Variants in RAPGEF1 observed in about 807,000 individuals in gnomAD.
RAPGEF1 encodes Rap guanine nucleotide exchange factor 1.
Under a neutral mutation model 143.3 loss-of-function variants are expected in RAPGEF1, and 33 were observed. That is an observed-to-expected ratio of 0.23 (90% CI 0.17 to 0.31). The LOEUF (loss-of-function observed/expected upper bound fraction) is 0.31, where lower values mean the gene tolerates loss of function less well. Among genes scored for constraint, RAPGEF1 ranks in the 10% least tolerant of loss-of-function variants. RAPGEF1 has a pLI of 1.00. For missense variants in RAPGEF1, 1,199 were observed against 1,645.4 expected, an observed-to-expected ratio of 0.73 and a Z score of 4.69; for synonymous variants, 629 against 676.5, an observed-to-expected ratio of 0.93 and a Z score of 1.09.
At position 131,667,187 on chromosome 9, in the gene RAPGEF1, A is replaced by G. The variant is rs1364626385; in HGVS notation, c.62-16238T>C. Among the ~76,000 whole-genome samples, 1 of 152,098 alleles carries G rather than the reference A, an allele frequency of 6.6e-6. No individual in the cohort carries two copies. The highest frequency in any genetic ancestry group is 1.9e-4 in the East Asian group (1 of 5,190). Reference sequence around the variant, plus strand: ...GTATTTTTAGTAGAGATGGGGTTTCACCATGTTGGTCAGGCTGGTATCAAA... The same window carrying G: ...GTATTTTTAGTAGAGATGGGGTTTCGCCATGTTGGTCAGGCTGGTATCAAA... On this transcript the variant is annotated intron_variant, in intron 1 of 26. Transcript: ENST00000683357. The surrounding 1 kb of genome is among the most constrained non-coding windows in gnomAD (Gnocchi z 4.6).
chr9:131,636,771 G>A (rs1966472284), intron 5 of RAPGEF1, among the ~76,000 whole-genome samples: 2 of 152,186 alleles, frequency 1.3e-5, no homozygotes, highest in Non-Finnish European at 2.9e-5. Flanking sequence ...ACTCTGCTCT[G>A]CTGAACCCAG....
In RAPGEF1 at chr9:131,579,357, C is replaced by T. The variant is rs1045579912; in HGVS notation, c.*140G>A. On this transcript the variant is annotated 3_prime_UTR_variant, in exon 27 of 27. Transcript: ENST00000683357. ...CGGCTGGCAGGCTCCAGCTCCCGCC[C>T]GGCCCCGCTGAGGGCTGGCCAGCCT... 4.8e-6 allele frequency: 6 copies of T among 1,238,906 alleles called. No homozygotes were observed. The highest frequency in any genetic ancestry group is 3.0e-5 in the South Asian group (2 of 66,710). The allele number at this position is 1,238,906 out of a possible 1,614,324, so 76.7% of individuals were successfully genotyped here.
intron 12 of RAPGEF1, among the ~76,000 whole-genome samples, chr9:131,610,156 A>G (rs1481247313): frequency 6.6e-6 from 1 of 152,244 alleles, no homozygotes; most frequent in African/African-American, 2.4e-5. Flanking sequence ...TCAGCCTCCC[A>G]AAGTGCTGTG....
At chr9:131,701,711 C>T (rs145190602) in intron 1 of RAPGEF1, among the ~76,000 whole-genome samples, 21 of 152,200 alleles carry the variant, frequency 1.4e-4, no homozygotes, top group African/African-American at 4.3e-4. Context: ...TTATTACATG[C>T]GTTATTATAT....
At chr9:131,609,746 TG>T (rs1413124060) in intron 12 of RAPGEF1, among the ~76,000 whole-genome samples, 5 of 152,218 alleles carry the variant, frequency 3.3e-5, no homozygotes, top group African/African-American at 1.2e-4. Flanking sequence ...TGCCTGAAGC[TG>T]GCCAGGCACC....
chr9:131,652,432 T>C (rs111742241), intron 1 of RAPGEF1, among the ~76,000 whole-genome samples: 21 of 152,312 alleles, frequency 1.4e-4, no homozygotes, highest in African/African-American at 5.1e-4. Context: ...AAACTTTTTG[T>C]AGCGATGAGG....
rs1303022400 is a variant in RAPGEF1 at position 131,722,259 on chromosome 9, G to A, written c.61+17511C>T. On this transcript the variant is annotated intron_variant, in intron 1 of 26. Coordinates refer to ENST00000683357, the MANE Select transcript of RAPGEF1 (RefSeq NM_001377935.1). Reference sequence around the variant, plus strand: ...CCATGCCACCTAACAGGGCCTGCCAGGCTGGAAAATTCTTGGAGAGGGCCT... The same window carrying A: ...CCATGCCACCTAACAGGGCCTGCCAAGCTGGAAAATTCTTGGAGAGGGCCT... 2.0e-5 allele frequency among the ~76,000 whole-genome samples: 3 copies of A among 152,172 alleles called. No homozygotes were observed. The East Asian group carries it at 5.8e-4, about 29-fold the overall frequency.
intron 12 of RAPGEF1, among the ~76,000 whole-genome samples, chr9:131,605,505 C>T (rs902952093): frequency 6.6e-6 from 1 of 152,158 alleles, no homozygotes; most frequent in African/African-American, 2.4e-5. Flanking sequence ...CGTGGCCCAT[C>T]GCTGTCTTGT....
At chr9:131,594,960 C>T (rs923953869) in intron 17 of RAPGEF1, among the ~76,000 whole-genome samples, 1 of 152,216 alleles carries the variant, frequency 6.6e-6, no homozygotes, top group Non-Finnish European at 1.5e-5. Flanking sequence ...AGTATGGAGC[C>T]CCCTATGTCA....
intron 1 of RAPGEF1, among the ~76,000 whole-genome samples, chr9:131,695,296 T>C (rs1401678128): frequency 5.3e-5 from 8 of 152,154 alleles, no homozygotes; most frequent in Admixed American, 5.2e-4. Context: ...TTAGAATGCT[T>C]CCCTGTGTCC....
intron 20 of RAPGEF1, among the ~76,000 whole-genome samples, chr9:131,588,440 G>A (rs56769674): frequency 0.071 from 10,849 of 152,258 alleles, 779 homozygotes; most frequent in African/African-American, 0.18. Flanking sequence ...ATGTATAGGT[G>A]CAAATGACAC....
Position 131,621,870 on chromosome 9 carries a change from C to G in RAPGEF1, c.1831G>C (p.Asp611His). The G allele has an allele frequency of 6.2e-7, 1 of 1,612,488 alleles. No individual in the cohort carries two copies. The highest frequency in any genetic ancestry group is 8.5e-7 in the Non-Finnish European group (1 of 1,179,274). Residue 611 changes from aspartate to histidine, a missense_variant, in exon 11 of 27, where the codon GAC becomes CAC. Physicochemically the swap from Asp to His is moderately conservative, Grantham distance 81. Around this residue, in one of 6 missense-constraint regions of RAPGEF1, gnomAD observed 293 missense variants for 356.2 expected, o/e 0.82. Coordinates refer to ENST00000683357, the MANE Select transcript of RAPGEF1 (RefSeq NM_001377935.1). The surrounding 1 kb of genome is among the most constrained non-coding windows in gnomAD (Gnocchi z 4.5). ...KLLMEVYGFSDSFSGVDSVQE... is the reference protein window; with the variant it reads ...KLLMEVYGFSHSFSGVDSVQE... ...ACGGAGTCCACCCCACTGAAGGAGT[C>G]GCTGAAGCCGTATACCTCCATGAGG...
chr9:131,726,863 G>A (rs963747886), intron 1 of RAPGEF1, among the ~76,000 whole-genome samples: 4 of 152,068 alleles, frequency 2.6e-5, no homozygotes, highest in Admixed American at 1.3e-4. Context: ...AATGAAAAGG[G>A]TGTGGTGGTA....
intron 1 of RAPGEF1, among the ~76,000 whole-genome samples, chr9:131,654,174 G>T (rs1186550349): frequency 6.6e-6 from 1 of 151,908 alleles, no homozygotes; most frequent in Non-Finnish European, 1.5e-5. Flanking sequence ...TTTTTCTCCT[G>T]GTGTACAAAA....
intron 1 of RAPGEF1, among the ~76,000 whole-genome samples, chr9:131,716,635 G>GTGTTATGT (rs1417475193): frequency 2.6e-5 from 4 of 152,170 alleles, no homozygotes; most frequent in African/African-American, 9.7e-5. Flanking sequence ...GCTAAGCATT[G>GTGTTATGT]TGTTATGTGT....
chr9:131,621,853 C>T lies in RAPGEF1; in HGVS notation c.1848G>A (p.Val616=), dbSNP rs1450089088. 2.5e-6 allele frequency: 4 copies of T among 1,611,812 alleles called. No individual in the cohort carries two copies. The highest frequency in any genetic ancestry group is 3.4e-5 in the Admixed American group (2 of 59,634). ...VYGFSDSFSG[V]DSVQELAPPP... ...GCGGGGCCAGCTCCTGCACGGAGTCCACCCCACTGAAGGAGTCGCTGAAGC... is the reference window on the plus strand; with the variant it reads ...GCGGGGCCAGCTCCTGCACGGAGTCTACCCCACTGAAGGAGTCGCTGAAGC... Residue 616 remains valine, a synonymous_variant, in exon 11 of 27, where the codon GTG becomes GTA. Transcript: ENST00000683357. This position sits in a 1 kb window ranked among gnomAD's most constrained non-coding sequence, Gnocchi z 4.5.
intron 1 of RAPGEF1, among the ~76,000 whole-genome samples, chr9:131,721,355 C>T (rs1836252414): frequency 6.6e-6 from 1 of 152,116 alleles, no homozygotes; most frequent in South Asian, 2.1e-4. Flanking sequence ...TCTGTCAGCA[C>T]GGTGATCCTC....
At chr9:131,627,380 A>G (rs1417997007) in intron 9 of RAPGEF1, among the ~76,000 whole-genome samples, 1 of 152,174 alleles carries the variant, frequency 6.6e-6, no homozygotes, top group Non-Finnish European at 1.5e-5. Context: ...AAATCTTGCT[A>G]TTAATCACTG....
rs76873193 is a variant in RAPGEF1, at chr9:131,686,516, A to G, written c.62-35567T>C. ...GGGCAGCCACACAAGGAGCTGCCCAATTGGCCTGAAATCAACACAAAGTCA... is the reference window on the plus strand; with the variant it reads ...GGGCAGCCACACAAGGAGCTGCCCAGTTGGCCTGAAATCAACACAAAGTCA... On this transcript the variant is annotated intron_variant, in intron 1 of 26. Transcript: ENST00000683357. 5.0e-3 allele frequency among the ~76,000 whole-genome samples: 755 copies of G among 152,294 alleles called. 23 individuals are homozygous for G. Among genetic ancestry groups the G allele is most frequent in the East Asian group, 0.035 (183 of 5,184 alleles).
Sources: allele counts gnomAD v4.1 joint callset (sites outside exome capture counted in the v4.1 genomes callset), GRCh38; gene constraint gnomAD v4.1.1; regional missense constraint gnomAD v4.1.1; non-coding constraint Gnocchi (gnomAD v3.1); transcripts MANE v1.5; gene names NCBI Gene and HGNC (gene_info 2026-07-23, HGNC 2026-07-21).